The following MTM1 variants were observed in gnomAD, a reference collection of about 807,000 sequenced individuals.
MTM1 encodes the protein myotubularin.
A neutral mutation model predicts 52.1 loss-of-function variants in MTM1; 9 were observed. The observed-to-expected ratio is 0.17, with a 90% CI of 0.10 to 0.30. MTM1 has a LOEUF of 0.30. Among genes scored for constraint, MTM1 ranks in the 10% least tolerant of loss-of-function variants. MTM1 has a pLI of 1.00. For missense variants in MTM1, 277 were observed against 470.7 expected (o/e 0.59, Z 3.81); for synonymous variants, 136 against 163.8 (o/e 0.83, Z 1.29).
intron 1 of MTM1, among the ~76,000 whole-genome samples, chrX:150,587,355 T>A (rs1254768241): frequency 1.8e-5 from 2 of 112,284 alleles, no homozygotes; most frequent in South Asian, 3.7e-4. Context: ...GCCCATCATT[T>A]ATTTACATAT....
intron 1 of MTM1, among the ~76,000 whole-genome samples, chrX:150,583,858 A>AATATATATTAAATATATATTAAATATAT (rs1557412102): frequency 8.9e-5 from 4 of 44,787 alleles, no homozygotes; most frequent in Non-Finnish European, 1.5e-4. Flanking sequence ...AAATATATAA[A>AATATATATTAAATATATATTAAATATAT]ATATATATTA....
chrX:150,606,672 C>T (rs1557412830), intron 4 of MTM1, among the ~76,000 whole-genome samples: 1 of 111,441 alleles, frequency 9.0e-6, no homozygotes, highest in African/African-American at 3.3e-5. Context: ...AAAGTGAATC[C>T]CATTCTTTAC....
In MTM1 at chrX:150,671,612, C is replaced by T. The variant is rs782098432; in HGVS notation, c.*17C>T. On this transcript the variant is annotated 3_prime_UTR_variant, in exon 15 of 15. Transcript: ENST00000370396. ...CACTTCTGAGGGGGGACCCTGGCAC[C>T]GCATTAGAGCTCGAAATAAAGGCGA... 3.2e-5 allele frequency: 38 copies of T among 1,205,662 alleles called. No individual in the cohort carries two copies. The South Asian group carries it at 4.1e-4, about 13-fold the overall frequency.
chrX:150,599,181 G>A (rs183424532), intron 4 of MTM1, among the ~76,000 whole-genome samples: 6 of 112,747 alleles, frequency 5.3e-5, no homozygotes, highest in Non-Finnish European at 9.4e-5. Flanking sequence ...ACTTTTCCAG[G>A]TGTTCAATGA....
chrX:150,612,519 C>T (rs1406444784), intron 4 of MTM1, among the ~76,000 whole-genome samples: 2 of 109,964 alleles, frequency 1.8e-5, no homozygotes, highest in Non-Finnish European at 3.8e-5. Context: ...TAGTGAGACC[C>T]CCCCACCATC....
At chrX:150,601,733 G>A (rs782817335) in intron 4 of MTM1, among the ~76,000 whole-genome samples, 12 of 112,270 alleles carry the variant, frequency 1.1e-4, no homozygotes, top group African/African-American at 1.9e-4. Flanking sequence ...CGTCTCCAGC[G>A]TGTTCGTCCT....
intron 4 of MTM1, among the ~76,000 whole-genome samples, chrX:150,606,967 C>T (rs1603138759): frequency 1.2e-5 from 1 of 82,861 alleles, no homozygotes; most frequent in Non-Finnish European, 2.4e-5. Flanking sequence ...CCCTCCCCCT[C>T]CCCTCCCCTC....
At chrX:150,610,861 G>C (rs1226415385) in intron 4 of MTM1, among the ~76,000 whole-genome samples, 1 of 111,744 alleles carries the variant, frequency 8.9e-6, no homozygotes, top group Admixed American at 9.5e-5. Flanking sequence ...AAACATCCTT[G>C]CTTCCATGTT....
intron 7 of MTM1, among the ~76,000 whole-genome samples, chrX:150,640,233 CTT>C (rs781821489): frequency 9.0e-6 from 1 of 111,718 alleles, no homozygotes; most frequent in Admixed American, 9.5e-5. Context: ...AACATTAAGA[CTT>C]TTTTTTAGTT....
At chrX:150,612,757 G>A (rs1219474413) in intron 4 of MTM1, among the ~76,000 whole-genome samples, 3 of 111,479 alleles carry the variant, frequency 2.7e-5, no homozygotes, top group Non-Finnish European at 5.7e-5. Context: ...GCCGAGGCAG[G>A]TGTATTACCT....
chrX:150,662,116 A>G (rs782373604), intron 13 of MTM1, among the ~76,000 whole-genome samples: 54 of 111,585 alleles, frequency 4.8e-4, no homozygotes, highest in African/African-American at 1.7e-3. Flanking sequence ...GGTGAGAGAG[A>G]GCACTTTTTT....
intron 1 of MTM1, among the ~76,000 whole-genome samples, chrX:150,573,730 C>T (rs782262609): frequency 1.8e-5 from 2 of 111,584 alleles, no homozygotes; most frequent in Admixed American, 9.5e-5. Flanking sequence ...TGCTTTATGG[C>T]CCTGAGACAA....
At chrX:150,631,524 G>A (rs2039666295) in intron 6 of MTM1, among the ~76,000 whole-genome samples, 1 of 109,901 alleles carries the variant, frequency 9.1e-6, no homozygotes, top group African/African-American at 3.3e-5. Context: ...TTAGCTGGGT[G>A]TGGTGGCACA....
At chrX:150,644,546 G>C (rs1033674478) in intron 8 of MTM1, among the ~76,000 whole-genome samples, 2 of 111,971 alleles carry the variant, frequency 1.8e-5, no homozygotes, top group East Asian at 2.8e-4. Flanking sequence ...TTGCCATCAT[G>C]GGGTAGGTAA....
Position 150,645,685 on chromosome X carries a change from G to C in MTM1, c.681G>C (p.Val227=), listed in dbSNP as rs1557413955. ...TAAACTTTCTGACTTAACCATAGGT[G>C]CTGTCATGGATTCATCCAGAAAATA... ...ATFRSRNRIP[V]LSWIHPENKT... is the part of the protein sequence containing the mutation. Residue 227 remains valine, a splice_region_variant and synonymous_variant, in exon 9 of 15, where the codon GTG becomes GTC. Coordinates refer to ENST00000370396, the MANE Select transcript of MTM1 (RefSeq NM_000252.3). 1 of 1,210,626 alleles carries C rather than the reference G, an allele frequency of 8.3e-7. No homozygotes were observed.
rs1271793485 is a variant in MTM1 at position 150,592,192 on chromosome X, C to CT, written c.-10-407dup. Among the ~76,000 whole-genome samples the CT allele has an allele frequency of 3.6e-5, 4 of 112,265 alleles. No individual in the cohort carries two copies. In the Admixed American group the frequency reaches 3.8e-4, roughly 11 times the overall value. On this transcript the variant is annotated intron_variant, in intron 1 of 14. Transcript: ENST00000370396. ...AATAGTGTGAGTTAAATTGTCCATT[C>CT]TTTTTTCATTCTGCTCGGCTGCCTC...
intron 4 of MTM1, among the ~76,000 whole-genome samples, 195 bp from the exon 5 acceptor site, chrX:150,614,394 G>C (rs782812895): frequency 8.9e-6 from 1 of 112,171 alleles, no homozygotes; most frequent in Non-Finnish European, 1.9e-5. Flanking sequence ...AATGTTTGGG[G>C]ATGCATTTTG....
At chrX:150,592,240 G>A (rs1407669750) in intron 1 of MTM1, among the ~76,000 whole-genome samples, 1 of 111,714 alleles carries the variant, frequency 9.0e-6, no homozygotes, top group Non-Finnish European at 1.9e-5. Context: ...AAAAAATAAG[G>A]AGTATGGAAA....
At chrX:150,668,800 C>G (rs2040346176) in intron 14 of MTM1, among the ~76,000 whole-genome samples, 1 of 111,841 alleles carries the variant, frequency 8.9e-6, no homozygotes, top group Non-Finnish European at 1.9e-5. Flanking sequence ...TTGGTGTGCA[C>G]AGCTTCAGCA....
Sources: gnomAD v4.1 joint callset for allele counts (sites outside exome capture counted in the v4.1 genomes callset) on GRCh38, gnomAD v4.1.1 for gene constraint, MANE v1.5 for transcripts, NCBI Gene and HGNC (gene_info 2026-07-23, HGNC 2026-07-21) for gene names.